MAML3: variants seen among roughly 807,000 people sequenced by gnomAD.
MAML3 encodes the protein mastermind-like protein 3.
Under a neutral mutation model 101.9 loss-of-function variants are expected in MAML3, and 27 were observed. The ratio of observed to expected loss-of-function variants is 0.27; its 90% CI spans 0.20 to 0.37. The LOEUF (loss-of-function observed/expected upper bound fraction) is 0.37. Among genes scored for constraint, MAML3 ranks in the 10% least tolerant of loss-of-function variants. MAML3 has a pLI of 1.00. For synonymous variants in MAML3, 501 were observed against 555.9 expected (o/e 0.90, Z 1.39); for missense variants, 1,316 against 1,444.9 (o/e 0.91, Z 1.45).
At chr4:139,979,421 C>T (rs1184012161) in intron 1 of MAML3, among the ~76,000 whole-genome samples, 1 of 152,184 alleles carries the variant, frequency 6.6e-6, no homozygotes, top group East Asian at 1.9e-4. Flanking sequence ...CCATTTGCCC[C>T]TGTCTGCTGA....
intron 2 of MAML3, among the ~76,000 whole-genome samples, chr4:139,883,343 G>A (rs1732255530): frequency 6.6e-6 from 1 of 152,178 alleles, no homozygotes; most frequent in African/African-American, 2.4e-5. Flanking sequence ...GACAATACAT[G>A]CCCCTCACCC....
intron 1 of MAML3, among the ~76,000 whole-genome samples, chr4:139,927,528 G>C (rs1483889890): frequency 6.6e-6 from 1 of 152,290 alleles, no homozygotes; most frequent in East Asian, 1.9e-4. Context: ...GTCTATAACA[G>C]TTATTTCCCC....
chr4:139,962,440 T>A (rs1734037233), intron 1 of MAML3, among the ~76,000 whole-genome samples: 1 of 152,226 alleles, frequency 6.6e-6, no homozygotes, highest in Non-Finnish European at 1.5e-5. Context: ...AGACAGCAGG[T>A]TATTTCATTG....
At chr4:140,092,567 C>A (rs551615038) in intron 1 of MAML3, among the ~76,000 whole-genome samples, 2 of 152,166 alleles carry the variant, frequency 1.3e-5, no homozygotes, top group Non-Finnish European at 2.9e-5. Context: ...CTTAACTCCC[C>A]GCCGCACTGC....
intron 1 of MAML3, among the ~76,000 whole-genome samples, chr4:139,932,222 T>C (rs1733414267): frequency 6.8e-6 from 1 of 147,768 alleles, no homozygotes; most frequent in Non-Finnish European, 1.5e-5. Flanking sequence ...CCTCGATGGT[T>C]TATAAGCTTT....
chr4:140,073,178 C>T (rs1251057284), intron 1 of MAML3, among the ~76,000 whole-genome samples: 1 of 151,490 alleles, frequency 6.6e-6, no homozygotes, highest in Non-Finnish European at 1.5e-5. Context: ...CTCTCTGTCA[C>T]CCAGGCTGGA....
At position 139,889,770 on chromosome 4, in the gene MAML3, G is replaced by C. The variant is rs1732425453; in HGVS notation, c.1666C>G (p.Pro556Ala). The C allele has an allele frequency of 6.2e-7, 1 of 1,613,926 alleles. No homozygotes were observed. The highest frequency in any genetic ancestry group is 1.3e-5 in the African/African-American group (1 of 74,922). ...GTCTTCTGCAGGTTGTTTGCCATTG[G>C]AGGCACTATAGGGTTTTGGTTGTTA... ...AFNNQNPIVP[P>A]MANNLQKTTM... The change falls in exon 2 of 5, where the codon CCA becomes GCA. Residue 556 changes from proline (P) to alanine (A), a missense_variant. Transcript: ENST00000509479.
chr4:139,942,706 A>G (rs1733631049), intron 1 of MAML3, among the ~76,000 whole-genome samples: 1 of 151,796 alleles, frequency 6.6e-6, no homozygotes, highest in Non-Finnish European at 1.5e-5. Flanking sequence ...TCAGATTTAT[A>G]GTTTTTCTAT....
intron 2 of MAML3, among the ~76,000 whole-genome samples, chr4:139,770,242 G>A (rs927710734): frequency 1.3e-5 from 2 of 152,256 alleles, no homozygotes; most frequent in Middle Eastern, 3.4e-3. Context: ...AAGGCTCCTT[G>A]TCTGTGAGGA....
intron 1 of MAML3, among the ~76,000 whole-genome samples, chr4:139,898,983 G>A (rs1243546252): frequency 6.6e-6 from 1 of 152,192 alleles, no homozygotes; most frequent in African/African-American, 2.4e-5. Context: ...CTAGTGACCT[G>A]AGAACCTGTT....
At chr4:139,829,023 ACGGACGGACGGACTAAGGGAGGGAGGG>A (rs1731115758) in intron 2 of MAML3, among the ~76,000 whole-genome samples, 1 of 77,192 alleles carries the variant, frequency 1.3e-5, no homozygotes, top group Non-Finnish European at 2.8e-5. Flanking sequence ...GGAAGGAAGG[ACGGACGGACGGACTAAGGGAGGGAGGG>A]AGGAAGGAAA....
intron 1 of MAML3, among the ~76,000 whole-genome samples, chr4:140,021,521 G>A (rs1295197455): frequency 6.6e-6 from 1 of 152,168 alleles, no homozygotes; most frequent in Non-Finnish European, 1.5e-5. Flanking sequence ...AAGTAGCTAA[G>A]TAATTAGATC....
At chr4:139,926,172 C>A (rs1177664987) in intron 1 of MAML3, among the ~76,000 whole-genome samples, 1 of 152,010 alleles carries the variant, frequency 6.6e-6, no homozygotes, top group Non-Finnish European at 1.5e-5. Context: ...CGCTGTCAGA[C>A]CCATATATCT....
chr4:139,945,623 T>G (rs1211788842), intron 1 of MAML3, among the ~76,000 whole-genome samples: 2 of 152,250 alleles, frequency 1.3e-5, no homozygotes, highest in Non-Finnish European at 2.9e-5. Context: ...CATGTTAACT[T>G]TAAACTAGGT....
In MAML3 at chr4:139,730,572, T is replaced by C; in HGVS notation, c.2175A>G (p.Ala725=). 6.2e-7 allele frequency: 1 copy of C among 1,603,196 alleles called. No individual in the cohort carries two copies. The highest frequency in any genetic ancestry group is 1.1e-5 in the South Asian group (1 of 88,728). The change falls in exon 3 of 5, where the codon GCA becomes GCG. Residue 725 remains alanine, a synonymous_variant. Transcript: ENST00000509479. ...SGGMVSGASP[A]GPGFLGSQPQ... is the part of the protein sequence containing the mutation. Reference sequence around the variant, plus strand: ...GCTGGCTGCCCAGGAAGCCGGGGCCTGCGGGACTGGCTCCTGAGACCATGC... The same window carrying C: ...GCTGGCTGCCCAGGAAGCCGGGGCCCGCGGGACTGGCTCCTGAGACCATGC...
intron 1 of MAML3, among the ~76,000 whole-genome samples, chr4:140,121,907 A>C (rs571509678): frequency 1.1e-4 from 16 of 152,220 alleles, no homozygotes; most frequent in African/African-American, 3.4e-4. Context: ...AGTTACCTCC[A>C]TGCTGTTCTT....
intron 2 of MAML3, among the ~76,000 whole-genome samples, chr4:139,827,058 G>C (rs942131220): frequency 6.6e-6 from 1 of 152,176 alleles, no homozygotes; most frequent in Non-Finnish European, 1.5e-5. Flanking sequence ...GGCTGTGAGT[G>C]CCCAAGGTTA....
intron 1 of MAML3, among the ~76,000 whole-genome samples, chr4:139,964,964 A>G (rs970632137): frequency 1.3e-5 from 2 of 152,198 alleles, no homozygotes; most frequent in Non-Finnish European, 2.9e-5. Context: ...ACTTGGCTTT[A>G]CCGAATATAA....
At position 139,779,613 on chromosome 4, in the gene MAML3, A is replaced by G. The variant is rs574698155; in HGVS notation, c.2080-48946T>C. 6.5e-4 allele frequency among the ~76,000 whole-genome samples: 99 copies of G among 152,334 alleles called. 1 individual carries two copies. Among genetic ancestry groups the G allele is most frequent in the Non-Finnish European group, 1.2e-3 (81 of 68,028 alleles). On this transcript the variant is annotated intron_variant, in intron 2 of 4. Coordinates refer to ENST00000509479, the MANE Select transcript of MAML3 (RefSeq NM_018717.5). ...AAAGTATTTCTTAGACTGCATCTGT[A>G]TCCTGGGATCTGCCAGCAATACACA...
Sources: allele counts gnomAD v4.1 joint callset (sites outside exome capture counted in the v4.1 genomes callset), GRCh38; gene constraint gnomAD v4.1.1; transcripts MANE v1.5; gene names NCBI Gene and HGNC (gene_info 2026-07-23, HGNC 2026-07-21).